Variants in SKIC2 observed in about 807,000 individuals in gnomAD.
SKIC2 encodes SKI2 subunit of superkiller complex, also known as superkiller complex protein 2.
the SKIC2 span, chr6:31,962,508 G>C: frequency 6.2e-7 from 1 of 1,614,094 alleles, no homozygotes; most frequent in East Asian, 2.2e-5. The surrounding 1 kb of genome is among the most constrained non-coding windows in gnomAD (Gnocchi z 5.0). Flanking sequence ...ACACATTCGG[G>C]GATGTGGGGC....
At chr6:31,961,927 G>A in the SKIC2 span, 1 of 1,613,106 alleles carries the variant, frequency 6.2e-7, no homozygotes, top group Non-Finnish European at 8.5e-7. Flanking sequence ...TGAGCCAGAT[G>A]TGTTTCAGAA....
the SKIC2 span, chr6:31,964,348 T>G: frequency 3.1e-6 from 5 of 1,609,164 alleles, no homozygotes; most frequent in Admixed American, 8.3e-5. This position sits in a 1 kb window ranked among gnomAD's most constrained non-coding sequence, Gnocchi z 5.0. Flanking sequence ...TCAAGGTGCA[T>G]GTGGTGGTGG....
At chr6:31,959,547 C>T in the SKIC2 span, 4 of 653,346 alleles carry the variant, frequency 6.1e-6, no homozygotes, top group Non-Finnish European at 1.1e-5. Flanking sequence ...AGATTACAGC[C>T]CAGTGTACCT....
At chr6:31,960,131 G>C in the SKIC2 span, 1 of 1,610,256 alleles carries the variant, frequency 6.2e-7, no homozygotes, top group Non-Finnish European at 8.5e-7. Flanking sequence ...TGAGGAGTCT[G>C]GAGGGGCTTA....
At chr6:31,968,663 G>A in the SKIC2 span, 1 of 1,598,754 alleles carries the variant, frequency 6.3e-7, no homozygotes, top group Non-Finnish European at 8.6e-7. The surrounding 1 kb of genome is among the most constrained non-coding windows in gnomAD (Gnocchi z 6.1). Context: ...GCAAGGAGAA[G>A]GCTGACGGGT....
At chr6:31,963,866 T>C in the SKIC2 span, 1 of 1,547,826 alleles carries the variant, frequency 6.5e-7, no homozygotes, top group Non-Finnish European at 8.9e-7. The surrounding 1 kb of genome is among the most constrained non-coding windows in gnomAD (Gnocchi z 5.3). Context: ...CTCTCATTGG[T>C]TCAGGAACTC....
chr6:31,963,981 C>G, the SKIC2 span: 1 of 1,612,546 alleles, frequency 6.2e-7, no homozygotes. The surrounding 1 kb of genome is among the most constrained non-coding windows in gnomAD (Gnocchi z 5.3). Context: ...TGGTGGTGTT[C>G]ACCTTCTCCC....
the SKIC2 span, among the ~76,000 whole-genome samples, chr6:31,964,552 T>C: frequency 6.6e-6 from 1 of 152,214 alleles, no homozygotes; most frequent in Non-Finnish European, 1.5e-5. This position sits in a 1 kb window ranked among gnomAD's most constrained non-coding sequence, Gnocchi z 5.0. Flanking sequence ...GAACTTTAGG[T>C]TTCCCATCTT....
chr6:31,960,814 C>A, the SKIC2 span: 1 of 1,173,396 alleles, frequency 8.5e-7, no homozygotes, highest in Non-Finnish European at 1.2e-6. Context: ...CTAGCCCTCC[C>A]ATGTTTTTGA....
At chr6:31,960,628 T>G in the SKIC2 span, 22,623 of 1,583,168 alleles carry the variant, frequency 0.014, 221 homozygotes, top group Non-Finnish European at 0.017. Context: ...CGTATTACCC[T>G]CATCCCATGA....
the SKIC2 span, chr6:31,963,581 A>G: frequency 4.5e-6 from 7 of 1,549,590 alleles, no homozygotes; most frequent in Non-Finnish European, 6.1e-6. This position sits in a 1 kb window ranked among gnomAD's most constrained non-coding sequence, Gnocchi z 5.3. Flanking sequence ...GATGGGGGAA[A>G]GAGTTAGGGC....
At chr6:31,967,046 G>A in the SKIC2 span, 3 of 1,612,938 alleles carry the variant, frequency 1.9e-6, no homozygotes, top group South Asian at 1.1e-5. This position sits in a 1 kb window ranked among gnomAD's most constrained non-coding sequence, Gnocchi z 4.9. Context: ...GAGGCTGGGA[G>A]CTTTGGAGGA....
At chr6:31,960,845 CT>C in the SKIC2 span, 1 of 967,068 alleles carries the variant, frequency 1.0e-6, no homozygotes, top group African/African-American at 1.6e-5. Flanking sequence ...AAAAGATATT[CT>C]GTCCATAACA....
At chr6:31,968,719 AAG>A in the SKIC2 span, 1 of 1,612,866 alleles carries the variant, frequency 6.2e-7, no homozygotes, top group African/African-American at 1.3e-5. This position sits in a 1 kb window ranked among gnomAD's most constrained non-coding sequence, Gnocchi z 6.1. Flanking sequence ...GCAGATACAG[AAG>A]GAGATGGAGC....
At chr6:31,961,613 C>A in the SKIC2 span, 1 of 1,613,054 alleles carries the variant, frequency 6.2e-7, no homozygotes, top group Non-Finnish European at 8.5e-7. Context: ...GTGGGCCATC[C>A]CTGTGGACGC....
chr6:31,960,726 T>C, the SKIC2 span: 71 of 1,564,810 alleles, frequency 4.5e-5, no homozygotes, highest in South Asian at 6.4e-4. Context: ...GAGGAGGAGA[T>C]AGACTTTGAG....
At chr6:31,968,474 C>T in the SKIC2 span, 4 of 1,612,968 alleles carry the variant, frequency 2.5e-6, no homozygotes, top group Middle Eastern at 1.6e-4. The surrounding 1 kb of genome is among the most constrained non-coding windows in gnomAD (Gnocchi z 6.1). Context: ...GGGCTCCGGG[C>T]CCGGAAGCTG....
the SKIC2 span, chr6:31,964,106 C>T: frequency 6.2e-7 from 1 of 1,612,646 alleles, no homozygotes. The surrounding 1 kb of genome is among the most constrained non-coding windows in gnomAD (Gnocchi z 5.0). Context: ...CTCCGTGGCT[C>T]TGACCGCCAG....
chr6:31,959,181 TG>T, the SKIC2 span: 1 of 1,609,898 alleles, frequency 6.2e-7, no homozygotes, highest in Non-Finnish European at 8.5e-7. Flanking sequence ...AGGCAGCTGC[TG>T]TGGCTCCAGG....
Sources: allele counts gnomAD v4.1 joint callset (sites outside exome capture counted in the v4.1 genomes callset), GRCh38; gene constraint gnomAD v4.1.1; non-coding constraint Gnocchi (gnomAD v3.1); transcripts MANE v1.5; gene names NCBI Gene and HGNC (gene_info 2026-07-23, HGNC 2026-07-21).